EBF2: variants seen among roughly 807,000 people sequenced by gnomAD.
EBF2 encodes the protein EBF transcription factor 2, also known as transcription factor COE2.
Under a neutral mutation model 72.8 loss-of-function variants are expected in EBF2, and 21 were observed. The observed-to-expected ratio is 0.29, with a 90% CI of 0.20 to 0.42. The LOEUF (loss-of-function observed/expected upper bound fraction) is 0.42. Among genes scored for constraint, EBF2 ranks in the 10% least tolerant of loss-of-function variants. EBF2 has a pLI of 1.00. For missense variants in EBF2, 637 were observed against 731.2 expected (o/e 0.87, Z 1.49); for synonymous variants, 299 against 274.2 (o/e 1.09, Z -0.89).
chr8:25,870,640 C>T (rs1802420921), intron 10 of EBF2, among the ~76,000 whole-genome samples: 1 of 152,096 alleles, frequency 6.6e-6, no homozygotes, highest in African/African-American at 2.4e-5. Context: ...ACCCATTGTT[C>T]TCCCAACCAG....
chr8:25,975,212 G>T (rs1330554018), intron 6 of EBF2, among the ~76,000 whole-genome samples: 1 of 152,144 alleles, frequency 6.6e-6, no homozygotes, highest in Non-Finnish European at 1.5e-5. Context: ...GCCCGGGTGA[G>T]CAGGGACTAC....
intron 6 of EBF2, among the ~76,000 whole-genome samples, chr8:25,958,831 A>C (rs2117176743): frequency 6.6e-6 from 1 of 152,328 alleles, no homozygotes; most frequent in African/African-American, 2.4e-5. Flanking sequence ...ACATATGGTG[A>C]CCCAGTAGGT....
chr8:25,897,257 T>C (rs1304845820), intron 7 of EBF2, among the ~76,000 whole-genome samples: 1 of 152,228 alleles, frequency 6.6e-6, no homozygotes, highest in Admixed American at 6.5e-5. Flanking sequence ...CTGTCAAGTT[T>C]AAACTGATAT....
At chr8:25,852,720 A>G (rs1802007115) in intron 14 of EBF2, among the ~76,000 whole-genome samples, 1 of 152,216 alleles carries the variant, frequency 6.6e-6, no homozygotes, top group South Asian at 2.1e-4. Context: ...ATTTCTTACA[A>G]CAATTTTGTA....
At chr8:25,971,703 C>T (rs1169013990) in intron 6 of EBF2, among the ~76,000 whole-genome samples, 1 of 152,142 alleles carries the variant, frequency 6.6e-6, no homozygotes, top group Non-Finnish European at 1.5e-5. Flanking sequence ...TTGTTACTGG[C>T]TAAGTATAAT....
chr8:25,885,211 T>C (rs1394920146), intron 10 of EBF2, among the ~76,000 whole-genome samples: 1 of 150,362 alleles, frequency 6.7e-6, no homozygotes, highest in African/African-American at 2.4e-5. Context: ...CCAGGCTCCT[T>C]TTTTTTTTAA....
intron 14 of EBF2, 41 bp downstream of exon 14, chr8:25,858,278 C>G: frequency 1.2e-6 from 2 of 1,609,758 alleles, no homozygotes; most frequent in East Asian, 4.5e-5. Flanking sequence ...AACCCAGAGA[C>G]AAAAAAGCAT....
rs1378946857 is a variant in EBF2, at chr8:26,005,293, A to ATTATATATTATAT, written c.551+27791_551+27792insATATAATATATAA. On this transcript the variant is annotated intron_variant, in intron 6 of 15. Transcript: ENST00000520164. The stretch of plus-strand genomic sequence containing the variant: ...AATATATATAATTATATAATTATAT[A>ATTATATATTATAT]ATTATATATAATTATATATTATATA... 3.0e-3 allele frequency among the ~76,000 whole-genome samples: 7 copies of ATTATATATTATAT among 2,328 alleles called. 2 individuals are homozygous for ATTATATATTATAT. The highest frequency in any genetic ancestry group is 5.4e-3 in the African/African-American group (4 of 744). The allele number at this position is 2,328 out of a possible 152,430, so 1.5% of individuals were successfully genotyped here.
At chr8:26,030,877 G>C (rs973223601) in intron 6 of EBF2, among the ~76,000 whole-genome samples, 1 of 152,002 alleles carries the variant, frequency 6.6e-6, no homozygotes, top group Non-Finnish European at 1.5e-5. Context: ...AACTATGAAG[G>C]CGCCTAATAT....
intron 14 of EBF2, among the ~76,000 whole-genome samples, chr8:25,853,222 C>T (rs1183294669): frequency 1.3e-5 from 2 of 151,980 alleles, no homozygotes; most frequent in South Asian, 2.1e-4. Context: ...GATAGATTTG[C>T]CACATAATGA....
chr8:25,845,691 A>C (rs1341496095), intron 15 of EBF2, among the ~76,000 whole-genome samples: 1 of 152,212 alleles, frequency 6.6e-6, no homozygotes, highest in Non-Finnish European at 1.5e-5. Context: ...GAAAAATCCC[A>C]CAGCAAAATG....
chr8:25,996,186 T>TGGGAAGGCTGCAGTGGG (rs1464855737), intron 6 of EBF2, among the ~76,000 whole-genome samples: 25 of 150,482 alleles, frequency 1.7e-4, no homozygotes, highest in African/African-American at 6.1e-4. Context: ...TGTCATCTAC[T>TGGGAAGGCTGCAGTGGG]GGGAAGGCTG....
intron 6 of EBF2, among the ~76,000 whole-genome samples, chr8:25,976,573 T>C (rs1042606611): frequency 1.9e-4 from 29 of 152,342 alleles, no homozygotes; most frequent in African/African-American, 6.5e-4. Flanking sequence ...GTTAATCTGA[T>C]ATAGTTTCCA....
Position 25,861,374 on chromosome 8 carries a change from C to G in EBF2, c.1099G>C (p.Glu367Gln). The change falls in exon 12 of 16, where the codon GAG (glutamate) becomes CAG (glutamine). Residue 367 changes from glutamate to glutamine, a missense_variant and splice_region_variant. Coordinates refer to ENST00000520164, the MANE Select transcript of EBF2 (RefSeq NM_022659.4). ...TCTGCAGCTCTTTTCAACAGCATCT[C>G]CTGGAAAATAAGCGAGGATGGGATA... ...HPGDPERLAK[E>Q]MLLKRAADLV... 6.2e-7 allele frequency: 1 copy of G among 1,614,102 alleles called. No individual in the cohort carries two copies. Among genetic ancestry groups the G allele is most frequent in the African/African-American group, 1.3e-5 (1 of 75,000 alleles).
At chr8:25,952,370 A>AT (rs1803877479) in intron 6 of EBF2, among the ~76,000 whole-genome samples, 2 of 151,940 alleles carry the variant, frequency 1.3e-5, no homozygotes, top group Non-Finnish European at 1.5e-5. Flanking sequence ...TTATTTTATT[A>AT]TTTTATCTAT....
Position 26,008,450 on chromosome 8 carries a change from A to G in EBF2, c.551+24635T>C, listed in dbSNP as rs138107569. ...TGTTTAAGTGGCTGTTTAAGAGCAA[A>G]AAGTCAGCCTAGTGTAGTGGTGCCA... On this transcript the variant is annotated intron_variant, in intron 6 of 15. Transcript: ENST00000520164. Among the ~76,000 whole-genome samples the G allele has an allele frequency of 3.4e-3, 517 of 152,288 alleles. 3 individuals are homozygous for G. The highest frequency in any genetic ancestry group is 5.5e-3 in the Non-Finnish European group (373 of 68,026).
Position 25,850,607 on chromosome 8 carries a change from TCCATTG to T in EBF2, c.1677_1682del (p.Asn562_Gly563del). On this transcript the variant is annotated inframe_deletion, in exon 15 of 16. Transcript: ENST00000520164. ...ACCCTTGCTTACCTCTGAATCCATT[TCCATTG>T]CCGCTGGAGCAGGCAGGTGAAGGGG... 1 of 1,561,852 alleles carries T rather than the reference TCCATTG, an allele frequency of 6.4e-7. No homozygotes were observed. Among genetic ancestry groups the T allele is most frequent in the Non-Finnish European group, 8.6e-7 (1 of 1,162,362 alleles).
chr8:25,938,393 T>G (rs956734022), intron 6 of EBF2, among the ~76,000 whole-genome samples: 4 of 143,714 alleles, frequency 2.8e-5, no homozygotes, highest in Non-Finnish European at 4.5e-5. Context: ...AAAAGCCTAG[T>G]TTTTTTTTTG....
chr8:25,848,551 T>C (rs1371421669), intron 15 of EBF2, among the ~76,000 whole-genome samples: 1 of 152,130 alleles, frequency 6.6e-6, no homozygotes, highest in Non-Finnish European at 1.5e-5. Context: ...TGACAGGCCC[T>C]GGGAGTCTGT....
Sources: allele counts gnomAD v4.1 joint callset (sites outside exome capture counted in the v4.1 genomes callset), GRCh38; gene constraint gnomAD v4.1.1; transcripts MANE v1.5; gene names NCBI Gene and HGNC (gene_info 2026-07-23, HGNC 2026-07-21).